The following ZNF114 variants were observed in gnomAD, a reference collection of about 807,000 sequenced individuals.
ZNF114 encodes zinc finger protein 114 (Y18).
In ZNF114, 8 loss-of-function variants were observed where a neutral mutation model predicts 6.8. That is an observed-to-expected ratio of 1.18 (90% confidence interval 0.69 to 2.13). The LOEUF (loss-of-function observed/expected upper bound fraction) is 2.13. Ranked by LOEUF, ZNF114 falls within the 30% of genes most tolerant of loss-of-function variation. ZNF114 has a pLI of 0.00. For synonymous variants in ZNF114, 169 were observed against 185.5 expected, an observed-to-expected ratio of 0.91 and a Z score of 0.72; for missense variants, 472 against 519.5, an observed-to-expected ratio of 0.91 and a Z score of 0.89.
intron 3 of ZNF114, among the ~76,000 whole-genome samples, chr19:48,278,577 G>A (rs1373470699): frequency 3.9e-5 from 6 of 152,106 alleles, no homozygotes; most frequent in Admixed American, 1.3e-4. Flanking sequence ...TCCATGGTGC[G>A]GATAGACCAC....
intron 5 of ZNF114, among the ~76,000 whole-genome samples, chr19:48,285,164 C>T (rs965733441): frequency 3.9e-5 from 6 of 152,192 alleles, no homozygotes; most frequent in Non-Finnish European, 7.3e-5. Context: ...TCTTCCCCTT[C>T]ACATTTTTAT....
At chr19:48,278,658 A>G (rs2147288499) in intron 3 of ZNF114, among the ~76,000 whole-genome samples, 1 of 148,314 alleles carries the variant, frequency 6.7e-6, no homozygotes, top group Admixed American at 6.6e-5. Context: ...GAATACCGCT[A>G]TGGGCCAGGT....
intron 3 of ZNF114, among the ~76,000 whole-genome samples, chr19:48,274,492 ATATATATATATATAT>A (rs1164749504): frequency 2.7e-4 from 30 of 110,224 alleles, no homozygotes; most frequent in East Asian, 2.6e-3. Context: ...TTATATATAT[ATATATATATATATAT>A]TTTTTTTTTT....
chr19:48,285,250 C>A (rs1270916257), intron 5 of ZNF114, among the ~76,000 whole-genome samples: 1 of 152,204 alleles, frequency 6.6e-6, no homozygotes, highest in Non-Finnish European at 1.5e-5. Context: ...GTAATCCCAG[C>A]ACTTTGGGAG....
Position 48,284,382 on chromosome 19 carries a change from T to C in ZNF114, c.137-1379T>C, listed in dbSNP as rs768134294. On this transcript the variant is annotated intron_variant, in intron 5 of 5. Coordinates refer to ENST00000595607, the MANE Select transcript of ZNF114 (RefSeq NM_153608.4). ...GAAGTCGAGACCAGCCCAGCCAACA[T>C]GGCAAAACACTGTTCTTTTTGTCTT... 4.0e-5 allele frequency among the ~76,000 whole-genome samples: 6 copies of C among 151,712 alleles called. No individual in the cohort carries two copies. The South Asian group carries it at 8.3e-4, about 21-fold the overall frequency.
rs770666572 is a variant in ZNF114 at position 48,286,315 on chromosome 19, C to T, written c.691C>T (p.Arg231Cys). 16 of 1,614,132 alleles carry T rather than the reference C, an allele frequency of 9.9e-6. No homozygotes were observed. Among genetic ancestry groups the T allele is most frequent in the Admixed American group, 1.7e-5 (1 of 60,004 alleles). The change falls in exon 6 of 6, where the codon CGT becomes TGT. Residue 231 changes from arginine to cysteine, a missense_variant. Coordinates refer to ENST00000595607, the MANE Select transcript of ZNF114 (RefSeq NM_153608.4). ...GCGGAATCCATTTGGAAAAGCTTTC[C>T]GTGAAGACGGATCCCTTAGGGCACA... The part of the protein sequence containing the change: ...HQRNPFGKAF[R>C]EDGSLRAHNT...
intron 5 of ZNF114, among the ~76,000 whole-genome samples, chr19:48,283,255 A>G (rs780641208): frequency 6.6e-6 from 1 of 152,196 alleles, no homozygotes; most frequent in Non-Finnish European, 1.5e-5. Flanking sequence ...CATGGTGCAC[A>G]GGAAAAGGGT....
chr19:48,284,183 C>T (rs1049977614), intron 5 of ZNF114, among the ~76,000 whole-genome samples: 5 of 152,158 alleles, frequency 3.3e-5, no homozygotes, highest in Non-Finnish European at 5.9e-5. Context: ...ATAGTCATTT[C>T]ATCAGAATGC....
intron 3 of ZNF114, among the ~76,000 whole-genome samples, chr19:48,277,018 C>T (rs966413928): frequency 1.6e-4 from 25 of 152,090 alleles, no homozygotes; most frequent in African/African-American, 5.8e-4. Flanking sequence ...ATTAGCTGGG[C>T]GTGGTGGCCC....
chr19:48,273,647 C>G (rs1299677242), intron 3 of ZNF114, among the ~76,000 whole-genome samples: 1 of 151,762 alleles, frequency 6.6e-6, no homozygotes, highest in Non-Finnish European at 1.5e-5. Flanking sequence ...TCAAGATAGA[C>G]GTGGAATGTT....
intron 4 of ZNF114, among the ~76,000 whole-genome samples, chr19:48,281,323 G>A (rs535723494): frequency 6.6e-5 from 10 of 152,164 alleles, no homozygotes; most frequent in Middle Eastern, 3.4e-3. Flanking sequence ...AATAGCGGCA[G>A]AGTTGCTTCC....
At position 48,271,357 on chromosome 19, in the gene ZNF114, C is replaced by G. The variant is rs1967650672; in HGVS notation, c.-264C>G. On this transcript the variant is annotated 5_prime_UTR_variant, in exon 2 of 6. Coordinates refer to ENST00000595607, the MANE Select transcript of ZNF114 (RefSeq NM_153608.4). ...GTTGGCTGCGCAGAGAGCGCGCTTC[C>G]CAGCTGGAGAGCCTAGGAACGGTGG... is the stretch of plus-strand genomic sequence containing the variant. 6.6e-6 allele frequency: 1 copy of G among 152,230 alleles called. No homozygotes were observed. Among genetic ancestry groups the G allele is most frequent in the Non-Finnish European group, 1.5e-5 (1 of 68,068 alleles). The allele number at this position is 152,230 out of a possible 1,614,324, so 9.4% of individuals were successfully genotyped here. A position where few individuals can be genotyped will look rare whatever the true frequency, so the allele number is the denominator to read the frequency against.
At chr19:48,275,182 AAG>A (rs939240120) in intron 3 of ZNF114, among the ~76,000 whole-genome samples, 10 of 144,674 alleles carry the variant, frequency 6.9e-5, no homozygotes, top group Non-Finnish European at 9.1e-5. Flanking sequence ...GGAAGAGAGA[AAG>A]AGAGAGAGAA....
chr19:48,277,004 A>C (rs1967853508), intron 3 of ZNF114, among the ~76,000 whole-genome samples: 1 of 151,954 alleles, frequency 6.6e-6, no homozygotes, highest in Admixed American at 6.6e-5. Flanking sequence ...CTAAAAATAC[A>C]AAAATTAGCT....
intron 4 of ZNF114, among the ~76,000 whole-genome samples, chr19:48,280,438 G>A (rs989081960): frequency 2.6e-5 from 4 of 151,970 alleles, no homozygotes; most frequent in African/African-American, 9.7e-5. Context: ...AGGAACTCAG[G>A]GTCTCACAGG....
intron 3 of ZNF114, among the ~76,000 whole-genome samples, chr19:48,276,527 AT>A (rs947399828): frequency 4.0e-5 from 6 of 151,264 alleles, no homozygotes; most frequent in South Asian, 2.1e-4. Flanking sequence ...CAAAATGATG[AT>A]TTTTTTTTGT....
At chr19:48,274,500 ATATATATTTTTT>A (rs1487834301) in intron 3 of ZNF114, among the ~76,000 whole-genome samples, 182 of 73,548 alleles carry the variant, frequency 2.5e-3, no homozygotes, top group African/African-American at 8.9e-3. Flanking sequence ...ATATATATAT[ATATATATTTTTT>A]TTTTTTTTTT....
chr19:48,274,639 T>C (rs893726149), intron 3 of ZNF114, among the ~76,000 whole-genome samples: 1 of 151,810 alleles, frequency 6.6e-6, no homozygotes, highest in Non-Finnish European at 1.5e-5. Context: ...CTCTAGTAGC[T>C]GGGATTACAG....
At chr19:48,276,192 G>C (rs1444799484) in intron 3 of ZNF114, among the ~76,000 whole-genome samples, 1 of 145,420 alleles carries the variant, frequency 6.9e-6, no homozygotes, top group Non-Finnish European at 1.5e-5. Flanking sequence ...TGATTCTCCT[G>C]CTTCAGCCTC....
Sources: allele counts gnomAD v4.1 joint callset (sites outside exome capture counted in the v4.1 genomes callset), GRCh38; gene constraint gnomAD v4.1.1; transcripts MANE v1.5; gene names NCBI Gene and HGNC (gene_info 2026-07-23, HGNC 2026-07-21).